PWWP2B: variants seen among roughly 807,000 people sequenced by gnomAD.
PWWP2B encodes the protein PWWP domain containing 2B, also known as PWWP domain-containing protein 2B.
In PWWP2B, 9 loss-of-function variants were observed where a neutral mutation model predicts 15.5. That is an observed-to-expected ratio of 0.58 (90% CI 0.35 to 1.02). PWWP2B has a LOEUF of 1.02. Ranked by LOEUF, PWWP2B falls within the 50% of genes least tolerant of loss-of-function variation. PWWP2B has a pLI of 0.02. For missense variants in PWWP2B, 864 were observed against 865.3 expected (o/e 1.00, Z 0.02); for synonymous variants, 474 against 403.6 (o/e 1.17, Z -2.09).
chr10:132,414,253 T>A (rs1329715005), intron 2 of PWWP2B, among the ~76,000 whole-genome samples: 1 of 152,226 alleles, frequency 6.6e-6, no homozygotes, highest in Non-Finnish European at 1.5e-5. Context: ...ATGAGGATAG[T>A]GGCTGATGGA....
chr10:132,403,655 G>A lies in PWWP2B; in HGVS notation c.126-971G>A, dbSNP rs530401093. Among the ~76,000 whole-genome samples, 3 of 152,352 alleles carry A rather than the reference G, an allele frequency of 2.0e-5. No homozygotes were observed. The South Asian group carries it at 6.2e-4, about 32-fold the overall frequency. ...CTGAGGACAAATCCCCCAAAGCCAC[G>A]CACAGTGCTGGGCACTAGCCGTTAA... is the stretch of plus-strand genomic sequence containing the variant. On this transcript the variant is annotated intron_variant, in intron 1 of 2. Coordinates refer to ENST00000305233, the MANE Select transcript of PWWP2B (RefSeq NM_138499.4).
chr10:132,399,085 G>GT (rs2069578779), intron 1 of PWWP2B, among the ~76,000 whole-genome samples: 1 of 141,796 alleles, frequency 7.1e-6, no homozygotes, highest in South Asian at 2.3e-4. Flanking sequence ...TGAGTCTCCA[G>GT]CCGGTTCTCT....
chr10:132,414,260 T>C lies in PWWP2B; in HGVS notation c.*17-2801T>C, dbSNP rs562923676. ...TGTTTCTAATGAGGATAGTGGCTGA[T>C]GGATGTTTACCGACATTTCCAAAGG... On this transcript the variant is annotated intron_variant, in intron 2 of 2. Coordinates refer to ENST00000305233, the MANE Select transcript of PWWP2B (RefSeq NM_138499.4). Among the ~76,000 whole-genome samples the C allele has an allele frequency of 5.3e-5, 8 of 152,330 alleles. No homozygotes were observed. The South Asian group carries it at 1.2e-3, about 24-fold the overall frequency.
chr10:132,416,307 C>G lies in PWWP2B; in HGVS notation c.*17-754C>G, dbSNP rs577601653. On this transcript the variant is annotated intron_variant, in intron 2 of 2. Coordinates refer to ENST00000305233, the MANE Select transcript of PWWP2B (RefSeq NM_138499.4). ...GCTCTGCAGGCTCCGCTGCCTTCCCCGTCCCTGTGCTCTCCACCCACCGGC... is the reference window on the plus strand; with the variant it reads ...GCTCTGCAGGCTCCGCTGCCTTCCCGGTCCCTGTGCTCTCCACCCACCGGC... Among the ~76,000 whole-genome samples, 36 of 152,308 alleles carry G rather than the reference C, an allele frequency of 2.4e-4. No homozygotes were observed. The Middle Eastern group carries it at 0.01, about 43-fold the overall frequency.
At chr10:132,404,034 A>T (rs12778972) in intron 1 of PWWP2B, among the ~76,000 whole-genome samples, 9,786 of 58,390 alleles carry the variant, frequency 0.17, 567 homozygotes, top group African/African-American at 0.39. Context: ...GGCATTCTCC[A>T]GGGCTCCTGC....
chr10:132,397,500 C>T (rs2069553163), intron 1 of PWWP2B, 149 bp downstream of exon 1: 1 of 849,116 alleles, frequency 1.2e-6, no homozygotes, highest in Non-Finnish European at 1.4e-6. Context: ...TTTCGGGGCG[C>T]GCGAGCGCGG....
At position 132,404,845 on chromosome 10, in the gene PWWP2B, C is replaced by T; in HGVS notation, c.345C>T (p.Pro115=). The T allele has an allele frequency of 6.3e-7, 1 of 1,586,118 alleles. No homozygotes were observed. The highest frequency in any genetic ancestry group is 1.1e-5 in the South Asian group (1 of 90,276). The part of the protein sequence containing the change: ...LVPPLPAGSL[P]PYPPYFEGAP... ...CGCCGCTGCCCGCCGGAAGCCTGCC[C>T]CCGTACCCTCCCTACTTCGAAGGCG... The change falls in exon 2 of 3, where the codon CCC becomes CCT. Residue 115 remains proline, a synonymous_variant. Transcript: ENST00000305233.
intron 2 of PWWP2B, among the ~76,000 whole-genome samples, chr10:132,413,537 T>A (rs1336045808): frequency 6.6e-6 from 1 of 152,228 alleles, no homozygotes; most frequent in Admixed American, 6.5e-5. Context: ...CTTCATTCAC[T>A]TTCTATTTTT....
rs766372013 is a variant in PWWP2B, at chr10:132,404,942, A to C, written c.442A>C (p.Ile148Leu). The C allele has an allele frequency of 1.3e-6, 2 of 1,593,854 alleles. No homozygotes were observed. Among genetic ancestry groups the C allele is most frequent in the African/African-American group, 2.7e-5 (2 of 74,710 alleles). Residue 148 changes from isoleucine to leucine, a missense_variant, in exon 2 of 3, where the codon ATC becomes CTC. Ile to Leu is a conservative substitution (Grantham distance 5). This residue lies in a region of PWWP2B where 736 missense variants were observed against 687.7 expected (regional missense o/e 1.07). Transcript: ENST00000305233. ...LWVPQPPPRT[I>L]KRTRRRLSRN... Reference sequence around the variant, plus strand: ...GGTGCCCCAGCCGCCGCCCAGGACCATCAAGCGCACGCGGCGGCGTCTGTC... The same window carrying C: ...GGTGCCCCAGCCGCCGCCCAGGACCCTCAAGCGCACGCGGCGGCGTCTGTC...
intron 1 of PWWP2B, among the ~76,000 whole-genome samples, chr10:132,404,325 G>T (rs1224264265): frequency 6.6e-6 from 1 of 152,140 alleles, no homozygotes; most frequent in East Asian, 1.9e-4. Context: ...GTCCCCTGGG[G>T]CCATGGACTG....
At chr10:132,404,034 A>AGGGCTCCTGCAGGACGGCATTCTTCT (rs1564873030) in intron 1 of PWWP2B, among the ~76,000 whole-genome samples, 16 of 58,672 alleles carry the variant, frequency 2.7e-4, no homozygotes, top group East Asian at 2.6e-3. Flanking sequence ...GGCATTCTCC[A>AGGGCTCCTGCAGGACGGCATTCTTCT]GGGCTCCTGC....
intron 2 of PWWP2B, among the ~76,000 whole-genome samples, chr10:132,415,306 TCACA>T (rs1224419669): frequency 1.7e-5 from 2 of 121,188 alleles, no homozygotes; most frequent in African/African-American, 6.4e-5. Flanking sequence ...CCACTCACAC[TCACA>T]CACATCCACA....
At chr10:132,398,920 G>C (rs150506908) in intron 1 of PWWP2B, among the ~76,000 whole-genome samples, 5 of 144,536 alleles carry the variant, frequency 3.5e-5, no homozygotes, top group Non-Finnish European at 7.7e-5. Flanking sequence ...CAGGCTCCCC[G>C]ACCCCCAGTC....
At position 132,405,741 on chromosome 10, in the gene PWWP2B, G is replaced by C. The variant is rs771753505; in HGVS notation, c.1241G>C (p.Arg414Thr). 8.7e-6 allele frequency: 14 copies of C among 1,609,280 alleles called. No individual in the cohort carries two copies. The highest frequency in any genetic ancestry group is 2.2e-5 in the East Asian group (1 of 44,882). Residue 414 changes from arginine to threonine, a missense_variant, in exon 2 of 3, where the codon AGA becomes ACA. Physicochemically the swap from Arg to Thr is moderately conservative, Grantham distance 71. Around this residue, in one of 2 missense-constraint regions of PWWP2B, gnomAD observed 736 missense variants for 687.7 expected, o/e 1.07. Transcript: ENST00000305233. ...LAFLVSCPEGRADCASESACS... is the reference protein window; with the variant it reads ...LAFLVSCPEGTADCASESACS... ...TTTCTCGTCAGCTGCCCTGAGGGGAGAGCGGACTGTGCCAGTGAGTCGGCG... is the reference window on the plus strand; with the variant it reads ...TTTCTCGTCAGCTGCCCTGAGGGGACAGCGGACTGTGCCAGTGAGTCGGCG...
At chr10:132,416,354 A>T (rs1167219281) in intron 2 of PWWP2B, among the ~76,000 whole-genome samples, 1 of 151,804 alleles carries the variant, frequency 6.6e-6, no homozygotes, top group Non-Finnish European at 1.5e-5. Flanking sequence ...TGGGGCTGAC[A>T]GTGTCTGTCT....
In PWWP2B at chr10:132,405,108, G is replaced by C. The variant is rs576168836; in HGVS notation, c.608G>C (p.Arg203Thr). The C allele has an allele frequency of 6.5e-7, 1 of 1,540,090 alleles. No homozygotes were observed. Among genetic ancestry groups the C allele is most frequent in the South Asian group, 1.2e-5 (1 of 83,762 alleles). Residue 203 changes from arginine (R) to threonine (T), a missense_variant, in exon 2 of 3, where the codon AGG (arginine) becomes ACG (threonine). Transcript: ENST00000305233. ...GPPAAPRARR[R>T]LGSGPDRELR... The stretch of plus-strand genomic sequence containing the variant: ...CCAGCCGCGCCCAGGGCCCGCAGGA[G>C]GCTGGGCAGCGGCCCGGACAGGGAG...
chr10:132,409,786 G>A (rs1300474048), intron 2 of PWWP2B, among the ~76,000 whole-genome samples: 3 of 152,188 alleles, frequency 2.0e-5, no homozygotes, highest in Admixed American at 1.3e-4. Context: ...GAAGGGAAGA[G>A]GGGCTTGAAG....
intron 1 of PWWP2B, among the ~76,000 whole-genome samples, chr10:132,402,589 G>C (rs2069628007): frequency 6.6e-6 from 1 of 152,254 alleles, no homozygotes; most frequent in Admixed American, 6.5e-5. Context: ...TTCTCAGAAT[G>C]CTCAGCCTGT....
At chr10:132,414,544 T>C (rs1398232877) in intron 2 of PWWP2B, among the ~76,000 whole-genome samples, 1 of 152,136 alleles carries the variant, frequency 6.6e-6, no homozygotes, top group African/African-American at 2.4e-5. Flanking sequence ...GGTGACTCCC[T>C]AGAAGTTTGG....
Sources: gnomAD v4.1 joint callset for allele counts (sites outside exome capture counted in the v4.1 genomes callset) on GRCh38, gnomAD v4.1.1 for gene constraint, gnomAD v4.1.1 regional missense constraint, MANE v1.5 for transcripts, NCBI Gene and HGNC (gene_info 2026-07-23, HGNC 2026-07-21) for gene names.